GIGYF2: variants seen among roughly 807,000 people sequenced by gnomAD.
GIGYF2 encodes GRB10 interacting GYF protein 2, also known as GRB10-interacting GYF protein 2.
Under a neutral mutation model 208.1 loss-of-function variants are expected in GIGYF2, and 25 were observed. The ratio of observed to expected loss-of-function variants is 0.12; its 90% CI spans 0.09 to 0.17. The LOEUF (loss-of-function observed/expected upper bound fraction) is 0.17, where lower values mean the gene tolerates loss of function less well. GIGYF2 is among the 10% of genes least tolerant of loss of function. GIGYF2 has a pLI of 1.00. For missense variants in GIGYF2, 1,302 were observed against 1,579.4 expected (o/e 0.82, Z 2.98); for synonymous variants, 534 against 543.8 (o/e 0.98, Z 0.25).
intron 2 of GIGYF2, chr2:232,734,447 G>C (rs1697644238): frequency 6.6e-6 from 1 of 151,932 alleles, no homozygotes; most frequent in Non-Finnish European, 1.5e-5. Flanking sequence ...GGGCTCCAAC[G>C]ATTCTCCCAT....
chr2:232,800,877 C>T (rs1041505701), intron 14 of GIGYF2, among the ~76,000 whole-genome samples: 2 of 151,854 alleles, frequency 1.3e-5, no homozygotes, highest in African/African-American at 4.8e-5. Flanking sequence ...ATAGTGAGAC[C>T]CTGTCTCTCG....
intron 9 of GIGYF2, chr2:232,788,616 G>A (rs1320657622): frequency 2.1e-6 from 1 of 468,654 alleles, no homozygotes; most frequent in African/African-American, 2.0e-5. Context: ...GATGAACTGT[G>A]TTTTTTGAGC....
At chr2:232,754,194 G>A (rs1217804932) in intron 5 of GIGYF2, among the ~76,000 whole-genome samples, 2 of 134,894 alleles carry the variant, frequency 1.5e-5, no homozygotes, top group Non-Finnish European at 3.3e-5. Flanking sequence ...AAGAAATAGA[G>A]TTGTTTCATT....
At chr2:232,770,315 A>G (rs1699181973) in intron 8 of GIGYF2, among the ~76,000 whole-genome samples, 1 of 152,224 alleles carries the variant, frequency 6.6e-6, no homozygotes, top group Admixed American at 6.5e-5. Flanking sequence ...TTCTGTGTTC[A>G]TGAGCAAAAT....
At chr2:232,797,193 A>T (rs1464550204) in intron 14 of GIGYF2, among the ~76,000 whole-genome samples, 1 of 152,126 alleles carries the variant, frequency 6.6e-6, no homozygotes, top group Non-Finnish European at 1.5e-5. Context: ...GTGGTGTGTA[A>T]GTTCGATTAG....
At chr2:232,770,921 G>C in intron 8 of GIGYF2, 1 of 1,612,868 alleles carries the variant, frequency 6.2e-7, no homozygotes, top group Non-Finnish European at 8.5e-7. Flanking sequence ...AAAGCCTCTA[G>C]CATGAGGCCT....
intron 6 of GIGYF2, among the ~76,000 whole-genome samples, chr2:232,757,468 G>C (rs1473675434): frequency 6.6e-6 from 1 of 152,020 alleles, no homozygotes; most frequent in Non-Finnish European, 1.5e-5. Context: ...TGCTTCAAAA[G>C]CTCCACAGGC....
chr2:232,830,424 A>C (rs1313882669), intron 21 of GIGYF2, among the ~76,000 whole-genome samples: 1 of 152,192 alleles, frequency 6.6e-6, no homozygotes, highest in East Asian at 1.9e-4. Context: ...TTTAATGTTT[A>C]AGACATAGAT....
chr2:232,818,853 A>G (rs1211801791), intron 20 of GIGYF2, among the ~76,000 whole-genome samples: 1 of 152,196 alleles, frequency 6.6e-6, no homozygotes, highest in Non-Finnish European at 1.5e-5. Context: ...ATTGTTGGAC[A>G]TGAGGGTTGT....
intron 5 of GIGYF2, among the ~76,000 whole-genome samples, chr2:232,749,286 G>A (rs188197736): frequency 6.6e-6 from 1 of 152,314 alleles, no homozygotes; most frequent in African/African-American, 2.4e-5. Context: ...GGAAACGTTT[G>A]TAGATCCTTA....
At chr2:232,741,346 A>C (rs536785550) in intron 3 of GIGYF2, among the ~76,000 whole-genome samples, 2 of 152,118 alleles carry the variant, frequency 1.3e-5, no homozygotes, top group East Asian at 3.9e-4. Context: ...CATTTCTCTG[A>C]ATCTCTATTG....
At chr2:232,712,324 T>C (rs529283389) in intron 2 of GIGYF2, among the ~76,000 whole-genome samples, 1 of 152,378 alleles carries the variant, frequency 6.6e-6, no homozygotes, top group South Asian at 2.1e-4. Context: ...TGACTTTGTA[T>C]GCAGTAGAAA....
chr2:232,847,491 C>G lies in GIGYF2; in HGVS notation c.3604C>G (p.Gln1202Glu), dbSNP rs1239305867. 6.3e-7 allele frequency: 1 copy of G among 1,598,588 alleles called. No homozygotes were observed. Among genetic ancestry groups the G allele is most frequent in the Non-Finnish European group, 8.5e-7 (1 of 1,175,596 alleles). The change falls in exon 27 of 29, where the codon CAG becomes GAG. Residue 1202 changes from glutamine to glutamate, a missense_variant. Coordinates refer to ENST00000373563, the MANE Select transcript of GIGYF2 (RefSeq NM_001103146.3). ...GCGCCGTGCCAAACAGAAAGCCAAC[C>G]AGCAGCGTCAGCAGCAGCAGCTGCC... ...LERRAKQKAN[Q>E]QRQQQQLPQQ...
At chr2:232,726,386 A>AG (rs1363949450) in intron 2 of GIGYF2, among the ~76,000 whole-genome samples, 1 of 151,410 alleles carries the variant, frequency 6.6e-6, no homozygotes, top group Admixed American at 6.6e-5. Context: ...AAAAAAAAAA[A>AG]AATCATATGG....
In GIGYF2 at chr2:232,806,755, T is replaced by A; in HGVS notation, c.1806+98T>A. The A allele has an allele frequency of 1.2e-6, 1 of 851,712 alleles. No individual in the cohort carries two copies. The highest frequency in any genetic ancestry group is 2.0e-6 in the Non-Finnish European group (1 of 492,142). The allele number at this position is 851,712 out of a possible 1,614,324, so 52.8% of individuals were successfully genotyped here. A position where few individuals can be genotyped will look rare whatever the true frequency, so the allele number is the denominator to read the frequency against. On this transcript the variant is annotated intron_variant, in intron 15 of 28. Transcript: ENST00000373563. This position sits in a 1 kb window ranked among gnomAD's most constrained non-coding sequence, Gnocchi z 4.0. ...CAAATATATCATCTAATGAAGGAAT[T>A]GTAGTTCTTTGAAATTAATGGAAAT... is the stretch of plus-strand genomic sequence containing the variant.
intron 20 of GIGYF2, 124 bp downstream of exon 20, chr2:232,817,156 C>G (rs1311532029): frequency 5.0e-6 from 4 of 797,974 alleles, no homozygotes; most frequent in Non-Finnish European, 8.9e-6. Context: ...TTAGAAGACT[C>G]ACTCACCTTT....
chr2:232,794,679 G>A (rs1700170551), intron 12 of GIGYF2, 69 bp from the exon 13 acceptor site: 2 of 1,226,054 alleles, frequency 1.6e-6, no homozygotes, highest in Admixed American at 1.7e-5. Flanking sequence ...TGTGCGACTT[G>A]ATAATGTAGT....
At chr2:232,765,941 G>T (rs1036245901) in intron 8 of GIGYF2, 4 of 460,948 alleles carry the variant, frequency 8.7e-6, no homozygotes, top group Non-Finnish European at 1.8e-5. Flanking sequence ...TCCTGATCAT[G>T]TGTGCAAGAC....
intron 21 of GIGYF2, among the ~76,000 whole-genome samples, chr2:232,821,441 C>T (rs1410763753): frequency 5.9e-5 from 9 of 152,222 alleles, no homozygotes; most frequent in Non-Finnish European, 7.3e-5. Flanking sequence ...CTCAGGTGAT[C>T]GCTTGCCTTG....
Sources: allele counts gnomAD v4.1 joint callset (sites outside exome capture counted in the v4.1 genomes callset), GRCh38; gene constraint gnomAD v4.1.1; non-coding constraint Gnocchi (gnomAD v3.1); transcripts MANE v1.5; gene names NCBI Gene and HGNC (gene_info 2026-07-23, HGNC 2026-07-21).